The following C12orf54 variants were observed in gnomAD, a reference collection of about 807,000 sequenced individuals.
C12orf54 encodes uncharacterized protein C12orf54.
Under a neutral mutation model 26.4 loss-of-function variants are expected in C12orf54, and 24 were observed. The observed-to-expected ratio is 0.91, with a 90% confidence interval of 0.66 to 1.28. The LOEUF (loss-of-function observed/expected upper bound fraction) is 1.28. C12orf54 is among the 50% of genes most tolerant of loss of function. The pLI is 0.00. For synonymous variants in C12orf54, 54 were observed against 47.0 expected (o/e 1.15, Z -0.61); for missense variants, 154 against 150.9 (o/e 1.02, Z -0.11).
the C12orf54 span, among the ~76,000 whole-genome samples, chr12:48,474,534 C>T: frequency 1.3e-5 from 2 of 152,210 alleles, no homozygotes; most frequent in African/African-American, 4.8e-5. Flanking sequence ...AATCGGGTCA[C>T]TCCCACCCTA....
the C12orf54 span, among the ~76,000 whole-genome samples, chr12:48,444,184 C>T: frequency 6.6e-6 from 1 of 152,188 alleles, no homozygotes; most frequent in African/African-American, 2.4e-5. Context: ...CTAAATACTT[C>T]TGTCATGTGG....
At chr12:48,476,764 C>A in the C12orf54 span, among the ~76,000 whole-genome samples, 1 of 152,170 alleles carries the variant, frequency 6.6e-6, no homozygotes, top group African/African-American at 2.4e-5. Context: ...TAGAGACCTA[C>A]AAACAGACTT....
At chr12:48,431,183 A>G in the C12orf54 span, among the ~76,000 whole-genome samples, 2 of 152,184 alleles carry the variant, frequency 1.3e-5, no homozygotes, top group East Asian at 3.8e-4. Context: ...GACTACAAAT[A>G]GGGTGCAATG....
the C12orf54 span, among the ~76,000 whole-genome samples, chr12:48,425,437 G>A: frequency 0.024 from 3,666 of 152,118 alleles, 75 homozygotes; most frequent in Non-Finnish European, 0.036. Flanking sequence ...ATGGCATTCT[G>A]TGGTGAAAAT....
At chr12:48,490,224 G>T (rs578152777) in intron 5 of C12orf54, among the ~76,000 whole-genome samples, 3 of 152,268 alleles carry the variant, frequency 2.0e-5, no homozygotes, top group East Asian at 1.9e-4. Context: ...CCCTAAAGAG[G>T]CACAGCTTGC....
At chr12:48,428,262 A>C in the C12orf54 span, among the ~76,000 whole-genome samples, 1 of 152,052 alleles carries the variant, frequency 6.6e-6, no homozygotes, top group Non-Finnish European at 1.5e-5. Flanking sequence ...ACCTCAAGGA[A>C]CTAGAAAAAC....
At chr12:48,413,379 G>A in the C12orf54 span, among the ~76,000 whole-genome samples, 1 of 152,154 alleles carries the variant, frequency 6.6e-6, no homozygotes, top group Admixed American at 6.6e-5. Flanking sequence ...CCTTTTGCCT[G>A]CCCTCTGTCT....
At chr12:48,449,114 G>A in the C12orf54 span, among the ~76,000 whole-genome samples, 1 of 152,196 alleles carries the variant, frequency 6.6e-6, no homozygotes, top group South Asian at 2.1e-4. Flanking sequence ...GAAGATTATG[G>A]AAATCAAGGT....
the C12orf54 span, among the ~76,000 whole-genome samples, chr12:48,462,979 T>A: frequency 2.0e-5 from 3 of 151,866 alleles, no homozygotes; most frequent in Non-Finnish European, 4.4e-5. Flanking sequence ...GACAACATGA[T>A]CATCTATGTA....
chr12:48,443,237 G>A, the C12orf54 span, among the ~76,000 whole-genome samples: 101,880 of 151,992 alleles, frequency 0.67, 34,408 homozygotes, highest in East Asian at 0.84. Context: ...GGCTACTAGA[G>A]AGTGTTTGTA....
At chr12:48,477,789 T>C (rs541992604), upstream of C12orf54, among the ~76,000 whole-genome samples, 2 of 152,266 alleles carry the variant, frequency 1.3e-5, no homozygotes, top group South Asian at 2.1e-4. Flanking sequence ...GAGGACCAGA[T>C]GGATTCACAG....
intron 4 of C12orf54, chr12:48,488,064 C>G (rs560473566): frequency 1.0e-5 from 10 of 966,734 alleles, no homozygotes; most frequent in Non-Finnish European, 1.7e-5. Context: ...CAAGAATGTG[C>G]CCATCCTTCA....
At chr12:48,425,549 T>G in the C12orf54 span, among the ~76,000 whole-genome samples, 18 of 152,106 alleles carry the variant, frequency 1.2e-4, no homozygotes, top group African/African-American at 4.1e-4. Flanking sequence ...TGTGTGCATG[T>G]GTCTTTATGG....
chr12:48,416,277 T>A, the C12orf54 span, among the ~76,000 whole-genome samples: 1 of 152,184 alleles, frequency 6.6e-6, no homozygotes, highest in Non-Finnish European at 1.5e-5. Context: ...CCTGACATCA[T>A]GGTCTAAAAG....
At chr12:48,458,733 CT>C in the C12orf54 span, among the ~76,000 whole-genome samples, 19,240 of 146,640 alleles carry the variant, frequency 0.13, 1,581 homozygotes, top group Non-Finnish European at 0.2. Flanking sequence ...CTTGATTGTT[CT>C]TTTTTTTTTT....
chr12:48,471,656 T>C, the C12orf54 span, among the ~76,000 whole-genome samples: 57 of 152,330 alleles, frequency 3.7e-4, no homozygotes, highest in African/African-American at 1.3e-3. Flanking sequence ...TATTTTTAAG[T>C]GTAAGGCTTT....
chr12:48,415,551 A>C, the C12orf54 span, among the ~76,000 whole-genome samples: 1 of 151,896 alleles, frequency 6.6e-6, no homozygotes, highest in African/African-American at 2.4e-5. Flanking sequence ...TTTGTGATAC[A>C]AAAATTTTAT....
chr12:48,467,978 G>A, the C12orf54 span, among the ~76,000 whole-genome samples: 7 of 151,980 alleles, frequency 4.6e-5, no homozygotes, highest in Admixed American at 1.3e-4. Context: ...TCCCACCCAC[G>A]GGAAATGTCA....
chr12:48,447,963 C>G, the C12orf54 span, among the ~76,000 whole-genome samples: 1 of 152,250 alleles, frequency 6.6e-6, no homozygotes. Flanking sequence ...ACACAGAATG[C>G]ATGAGAAGTA....
Sources: allele counts gnomAD v4.1 joint callset (sites outside exome capture counted in the v4.1 genomes callset), GRCh38; gene constraint gnomAD v4.1.1; transcripts MANE v1.5; gene names NCBI Gene and HGNC (gene_info 2026-07-23, HGNC 2026-07-21).